Variants in ZNF346 observed in about 807,000 individuals in gnomAD.
The protein encoded by ZNF346 is double-stranded RNA-binding zinc finger protein JAZ.
ZNF346 carries 23 observed loss-of-function variants against 33.7 expected under a neutral mutation model. The ratio of observed to expected loss-of-function variants is 0.68; its 90% CI spans 0.49 to 0.97. ZNF346 has a LOEUF of 0.97. Ranked by LOEUF, ZNF346 falls within the 50% of genes least tolerant of loss-of-function variation. ZNF346 has a pLI of 0.00. For missense variants in ZNF346, 340 were observed against 371.1 expected, an observed-to-expected ratio of 0.92 and a Z score of 0.69; for synonymous variants, 134 against 142.4, an observed-to-expected ratio of 0.94 and a Z score of 0.42.
chr5:177,034,816 G>C (rs964946389), intron 1 of ZNF346, among the ~76,000 whole-genome samples: 6 of 152,202 alleles, frequency 3.9e-5, no homozygotes, highest in South Asian at 2.1e-4. Context: ...CAGTTTTCCA[G>C]CATCCGTTGT....
At chr5:177,060,954 CA>C (rs941147103) in intron 5 of ZNF346, among the ~76,000 whole-genome samples, 2 of 151,148 alleles carry the variant, frequency 1.3e-5, no homozygotes, top group Admixed American at 1.3e-4. Context: ...ACTAAAAATA[CA>C]AAAAAAATTA....
At chr5:177,054,322 T>C (rs1781379665) in intron 5 of ZNF346, among the ~76,000 whole-genome samples, 1 of 151,888 alleles carries the variant, frequency 6.6e-6, no homozygotes, top group Non-Finnish European at 1.5e-5. Context: ...CCACCCACCT[T>C]GGCCTCCCAA....
intron 1 of ZNF346, among the ~76,000 whole-genome samples, chr5:177,028,172 G>A (rs1294828919): frequency 2.1e-5 from 3 of 144,432 alleles, no homozygotes; most frequent in African/African-American, 7.7e-5. Flanking sequence ...GAGTAGCTGG[G>A]ATTACAGGCA....
downstream of ZNF346, among the ~76,000 whole-genome samples, chr5:177,072,177 G>T (rs955402812): frequency 6.6e-6 from 1 of 152,246 alleles, no homozygotes; most frequent in Admixed American, 6.5e-5. Context: ...ACAGGAGAAA[G>T]TCAGGGACAA....
At chr5:177,063,781 G>C (rs1782847140) in intron 6 of ZNF346, among the ~76,000 whole-genome samples, 1 of 152,146 alleles carries the variant, frequency 6.6e-6, no homozygotes, top group Non-Finnish European at 1.5e-5. Flanking sequence ...CCAACTACTT[G>C]AGAGGCTGAA....
rs143069947 is a variant in ZNF346 at position 177,066,778 on chromosome 5, G to C, written c.*2179G>C. Among the ~76,000 whole-genome samples, 54 of 151,894 alleles carry C rather than the reference G, an allele frequency of 3.6e-4. No individual in the cohort carries two copies. The highest frequency in any genetic ancestry group is 1.0e-3 in the Admixed American group (16 of 15,248). ...AAAAATTATAAAAATAAATTTGAAGGCTGGGCGCCGTGGCTCACGCCTGTA... is the reference window on the plus strand; with the variant it reads ...AAAAATTATAAAAATAAATTTGAAGCCTGGGCGCCGTGGCTCACGCCTGTA... On this transcript the variant is annotated 3_prime_UTR_variant, in exon 7 of 7. Coordinates refer to ENST00000358149, the MANE Select transcript of ZNF346 (RefSeq NM_012279.4).
chr5:177,063,475 G>C (rs532169034), intron 6 of ZNF346, among the ~76,000 whole-genome samples: 7 of 152,142 alleles, frequency 4.6e-5, no homozygotes, highest in African/African-American at 1.7e-4. Context: ...GGGACTCTTA[G>C]GTGTAGACTT....
intron 1 of ZNF346, among the ~76,000 whole-genome samples, chr5:177,029,738 C>G (rs1051565460): frequency 6.6e-6 from 1 of 152,194 alleles, no homozygotes; most frequent in Non-Finnish European, 1.5e-5. Context: ...CTGGGTCTTG[C>G]GTGTTACTTC....
Position 177,065,882 on chromosome 5 carries a change from T to G in ZNF346, c.*1283T>G, listed in dbSNP as rs168489. The G allele has an allele frequency of 0.17, 24,109 of 139,224 alleles. 2,162 individuals are homozygous for G. The highest frequency in any genetic ancestry group is 0.27 in the African/African-American group (8,979 of 32,918). The allele number at this position is 139,224 out of a possible 1,614,324, so 8.6% of individuals were successfully genotyped here. ...GATGTGTGTGTGTGTGTGTGTGTGT[T>G]TGTGTGTATGTGTGTGCTTCTGTGT... On this transcript the variant is annotated 3_prime_UTR_variant, in exon 7 of 7. Coordinates refer to ENST00000358149, the MANE Select transcript of ZNF346 (RefSeq NM_012279.4).
chr5:177,029,012 C>T (rs1777295235), intron 1 of ZNF346, among the ~76,000 whole-genome samples: 1 of 151,508 alleles, frequency 6.6e-6, no homozygotes. Context: ...AGCCACCGCA[C>T]CCGGCCATAT....
intron 5 of ZNF346, among the ~76,000 whole-genome samples, chr5:177,053,116 G>A (rs1781179817): frequency 6.6e-6 from 1 of 151,762 alleles, no homozygotes; most frequent in Admixed American, 6.6e-5. Flanking sequence ...AAGAGGGCGA[G>A]ACCATCCTGG....
chr5:177,054,326 C>T (rs921928432), intron 5 of ZNF346, among the ~76,000 whole-genome samples: 3 of 152,046 alleles, frequency 2.0e-5, no homozygotes, highest in African/African-American at 7.2e-5. Flanking sequence ...CCACCTTGGC[C>T]TCCCAAAGTG....
At position 177,065,530 on chromosome 5, in the gene ZNF346, G is replaced by A. The variant is rs955417258; in HGVS notation, c.*931G>A. ...GCGGACCACTTGCCCAGTTTGCTGT[G>A]GTGCTAGCCTTCCCCATCATCCACC... is the stretch of plus-strand genomic sequence containing the variant. On this transcript the variant is annotated 3_prime_UTR_variant, in exon 7 of 7. Coordinates refer to ENST00000358149, the MANE Select transcript of ZNF346 (RefSeq NM_012279.4). The A allele has an allele frequency of 7.2e-5, 11 of 152,604 alleles. No individual in the cohort carries two copies. Among genetic ancestry groups the A allele is most frequent in the Admixed American group, 2.6e-4 (4 of 15,266 alleles). 9.5% of individuals were successfully genotyped at this position (152,604 alleles called of 1,614,324 possible). A position where few individuals can be genotyped will look rare whatever the true frequency, so the allele number is the denominator to read the frequency against.
chr5:177,051,800 G>T (rs1780964840), intron 5 of ZNF346: 1 of 152,224 alleles, frequency 6.6e-6, no homozygotes, highest in Non-Finnish European at 1.5e-5. Context: ...GCCTCCCAAA[G>T]TGCTGAGATT....
rs1013984020 is a variant in ZNF346 at position 177,065,743 on chromosome 5, A to G, written c.*1144A>G. On this transcript the variant is annotated 3_prime_UTR_variant, in exon 7 of 7. Coordinates refer to ENST00000358149, the MANE Select transcript of ZNF346 (RefSeq NM_012279.4). ...GACGAGAATTCCAAGGAGTGTCACC[A>G]TCAGAGGCTTCTCTTCATTGTGTCA... is the stretch of plus-strand genomic sequence containing the variant. The G allele has an allele frequency of 6.6e-6, 1 of 152,204 alleles. No individual in the cohort carries two copies. Among genetic ancestry groups the G allele is most frequent in the Admixed American group, 6.6e-5 (1 of 15,242 alleles). The allele number at this position is 152,204 out of a possible 1,614,324, so 9.4% of individuals were successfully genotyped here.
In ZNF346 at chr5:177,062,050, T is replaced by G; in HGVS notation, c.704-8T>G. 6.2e-7 allele frequency: 1 copy of G among 1,611,508 alleles called. No homozygotes were observed. The highest frequency in any genetic ancestry group is 1.1e-5 in the South Asian group (1 of 90,834). On this transcript the variant is annotated splice_polypyrimidine_tract_variant and splice_region_variant and intron_variant, in intron 5 of 6. Coordinates refer to ENST00000358149, the MANE Select transcript of ZNF346 (RefSeq NM_012279.4). Reference sequence around the variant, plus strand: ...GATTACTAAGATCTTGATTTTGATGTGTTTCAGCTGGAAAGGGCTACCCCT... The same window carrying G: ...GATTACTAAGATCTTGATTTTGATGGGTTTCAGCTGGAAAGGGCTACCCCT...
chr5:177,028,574 GT>G (rs1420781813), intron 1 of ZNF346, among the ~76,000 whole-genome samples: 1 of 138,752 alleles, frequency 7.2e-6, no homozygotes, highest in Non-Finnish European at 1.5e-5. Flanking sequence ...ACTTTCCTCA[GT>G]GACTAAAGCA....
intron 5 of ZNF346, 49 bp from the exon 6 acceptor site, chr5:177,062,009 A>T: frequency 1.3e-6 from 2 of 1,517,590 alleles, no homozygotes; most frequent in Non-Finnish European, 9.1e-7. Flanking sequence ...AACGGTCTTC[A>T]GGTTCCTTCT....
downstream of ZNF346, among the ~76,000 whole-genome samples, chr5:177,069,482 G>A (rs766143926): frequency 4.0e-5 from 6 of 149,416 alleles, no homozygotes; most frequent in South Asian, 2.1e-4. Flanking sequence ...GAGTTTTTTC[G>A]TGCTGTGTAG....
Sources: gnomAD v4.1 joint callset for allele counts (sites outside exome capture counted in the v4.1 genomes callset) on GRCh38, gnomAD v4.1.1 for gene constraint, MANE v1.5 for transcripts, NCBI Gene and HGNC (gene_info 2026-07-23, HGNC 2026-07-21) for gene names.